The following ADGRV1 variants were observed in gnomAD, a reference collection of about 807,000 sequenced individuals.
ADGRV1 encodes the protein G-protein coupled receptor 98.
ADGRV1 carries 359 observed loss-of-function variants against 596.2 expected under a neutral mutation model. That is an observed-to-expected ratio of 0.60 (90% CI 0.55 to 0.66). ADGRV1 has a LOEUF of 0.66. Ranked by LOEUF, ADGRV1 falls within the 30% of genes least tolerant of loss-of-function variation. The pLI is 0.00. For missense variants in ADGRV1, 7,274 were observed against 7,575.6 expected (o/e 0.96, Z 1.48); for synonymous variants, 2,681 against 2,679.2 (o/e 1.00, Z -0.02).
intron 77 of ADGRV1, among the ~76,000 whole-genome samples, chr5:90,829,966 C>T (rs904718150): frequency 3.3e-5 from 5 of 152,050 alleles, no homozygotes; most frequent in Admixed American, 2.6e-4. Context: ...CTTCTATTTC[C>T]AATGTTTCAA....
At chr5:90,841,117 T>C (rs1765388652) in intron 78 of ADGRV1, 132 bp downstream of exon 78, 2 of 656,194 alleles carry the variant, frequency 3.0e-6, no homozygotes, top group Non-Finnish European at 4.8e-6. Context: ...TTTCTGAACA[T>C]AGGAATAGAA....
chr5:90,885,278 ATC>A (rs1449302519), intron 83 of ADGRV1, among the ~76,000 whole-genome samples: 2 of 152,154 alleles, frequency 1.3e-5, no homozygotes, highest in Non-Finnish European at 2.9e-5. Flanking sequence ...GCAATTAATA[ATC>A]TCTTGGCAGT....
rs1241102578 is a variant in ADGRV1 at position 90,647,530 on chromosome 5, A to G, written c.3055A>G (p.Thr1019Ala). The change falls in exon 17 of 90, where the codon ACT becomes GCT. Residue 1019 changes from threonine to alanine, a missense_variant. This residue lies in a region of ADGRV1 where 1,715 missense variants were observed against 1,708.8 expected (regional missense o/e 1.00). Transcript: ENST00000405460. The part of the protein sequence containing the change: ...PRVVRVQEGE[T>A]ANFTVLRNGS... ...TGTAGTGAGGGTTCAGGAAGGTGAG[A>G]CTGCCAACTTTACAGTTCTCAGAAA... is the stretch of plus-strand genomic sequence containing the variant. The G allele has an allele frequency of 9.3e-6, 15 of 1,613,386 alleles. No individual in the cohort carries two copies. The highest frequency in any genetic ancestry group is 1.3e-5 in the Non-Finnish European group (15 of 1,179,530).
At chr5:90,598,921 C>T (rs1048642147) in intron 1 of ADGRV1, among the ~76,000 whole-genome samples, 3 of 152,172 alleles carry the variant, frequency 2.0e-5, no homozygotes, top group Non-Finnish European at 2.9e-5. Flanking sequence ...TCAAATCTAT[C>T]AATCTAACCC....
chr5:90,669,864 T>A (rs1255387671), intron 21 of ADGRV1, among the ~76,000 whole-genome samples: 1 of 152,200 alleles, frequency 6.6e-6, no homozygotes, highest in Non-Finnish European at 1.5e-5. Context: ...CCCAATATAT[T>A]ATCAATTGCA....
chr5:90,893,644 T>C (rs1162526529), intron 83 of ADGRV1, among the ~76,000 whole-genome samples: 1 of 152,240 alleles, frequency 6.6e-6, no homozygotes. Flanking sequence ...TTTTATCGAA[T>C]AATAACTTTT....
intron 85 of ADGRV1, among the ~76,000 whole-genome samples, chr5:91,006,026 C>T (rs761558975): frequency 1.3e-5 from 2 of 152,160 alleles, no homozygotes; most frequent in Non-Finnish European, 2.9e-5. Context: ...GCCACTCATG[C>T]CTGCTAAGCC....
intron 83 of ADGRV1, among the ~76,000 whole-genome samples, chr5:90,874,877 A>G (rs1053393967): frequency 2.6e-5 from 4 of 151,936 alleles, no homozygotes; most frequent in Admixed American, 6.6e-5. Context: ...AAAAACAAAA[A>G]ACAACCTGGT....
chr5:90,602,591 C>T (rs548495122), intron 1 of ADGRV1, among the ~76,000 whole-genome samples: 4 of 152,264 alleles, frequency 2.6e-5, no homozygotes, highest in African/African-American at 9.6e-5. Context: ...TGACCACATT[C>T]CTCAAAAGCG....
chr5:90,582,805 A>G (rs887834677), intron 1 of ADGRV1, among the ~76,000 whole-genome samples: 9 of 152,190 alleles, frequency 5.9e-5, no homozygotes, highest in African/African-American at 2.2e-4. Flanking sequence ...CTTGTCTTCA[A>G]GTGATCCTCC....
chr5:90,567,777 C>A (rs182169191), intron 1 of ADGRV1, among the ~76,000 whole-genome samples: 2 of 151,338 alleles, frequency 1.3e-5, no homozygotes, highest in Non-Finnish European at 2.9e-5. Context: ...TCTGTTACCC[C>A]GGCGGGAGTG....
chr5:90,815,005 A>G (rs1473366317), intron 74 of ADGRV1, among the ~76,000 whole-genome samples: 1 of 149,248 alleles, frequency 6.7e-6, no homozygotes, highest in African/African-American at 2.5e-5. Flanking sequence ...TTTTTTTAGT[A>G]TAATGGTACC....
chr5:90,612,488 C>T (rs1454593807), intron 1 of ADGRV1, among the ~76,000 whole-genome samples: 3 of 151,872 alleles, frequency 2.0e-5, no homozygotes, highest in East Asian at 1.9e-4. Context: ...TGGAGTTAGC[C>T]TCCAAAGCCT....
At chr5:90,972,638 T>C (rs1309430932) in intron 84 of ADGRV1, among the ~76,000 whole-genome samples, 1 of 152,138 alleles carries the variant, frequency 6.6e-6, no homozygotes, top group African/African-American at 2.4e-5. Context: ...GAAATAAAGA[T>C]GTTCTTTGAA....
chr5:90,858,668 G>T (rs1048622651), intron 82 of ADGRV1, among the ~76,000 whole-genome samples: 1 of 152,056 alleles, frequency 6.6e-6, no homozygotes, highest in Non-Finnish European at 1.5e-5. Flanking sequence ...TATTATTTGG[G>T]ATGAATTTGG....
intron 83 of ADGRV1, among the ~76,000 whole-genome samples, chr5:90,865,584 T>C (rs1391198313): frequency 2.6e-5 from 4 of 152,160 alleles, no homozygotes; most frequent in Non-Finnish European, 4.4e-5. Flanking sequence ...CAATGTGGCA[T>C]GAAAAATCAT....
At chr5:90,787,522 C>T (rs1759582268) in intron 67 of ADGRV1, among the ~76,000 whole-genome samples, 1 of 150,604 alleles carries the variant, frequency 6.6e-6, no homozygotes, top group South Asian at 2.1e-4. Flanking sequence ...TATGTGATGA[C>T]AAATTATTCA....
At chr5:90,666,070 C>G (rs1402516071) in intron 21 of ADGRV1, among the ~76,000 whole-genome samples, 3 of 151,322 alleles carry the variant, frequency 2.0e-5, no homozygotes, top group Non-Finnish European at 4.4e-5. Flanking sequence ...TGGTGTGGTG[C>G]TGAAAAAAAT....
At chr5:90,672,153 G>T (rs1430746896) in intron 21 of ADGRV1, among the ~76,000 whole-genome samples, 1 of 152,142 alleles carries the variant, frequency 6.6e-6, no homozygotes, top group Non-Finnish European at 1.5e-5. Context: ...TCTGTGCTGA[G>T]CCCATTATAA....
Sources: gnomAD v4.1 joint callset for allele counts (sites outside exome capture counted in the v4.1 genomes callset) on GRCh38, gnomAD v4.1.1 for gene constraint, gnomAD v4.1.1 regional missense constraint, MANE v1.5 for transcripts, NCBI Gene and HGNC (gene_info 2026-07-23, HGNC 2026-07-21) for gene names.